PLD5: variants seen among roughly 807,000 people sequenced by gnomAD.
The protein encoded by PLD5 is phospholipase D family member 5.
PLD5 carries 36 observed loss-of-function variants against 61.1 expected under a neutral mutation model. That is an observed-to-expected ratio of 0.59 (90% confidence interval 0.45 to 0.78). The LOEUF is 0.78. Among genes scored for constraint, PLD5 ranks in the 30% least tolerant of loss-of-function variants. The probability of loss-of-function intolerance (pLI) is 0.00; values close to 1 mark genes in which losing one functional copy is unlikely to be tolerated. For synonymous variants in PLD5, 243 were observed against 242.8 expected, an observed-to-expected ratio of 1.00 and a Z score of -0.01; for missense variants, 515 against 644.4, an observed-to-expected ratio of 0.80 and a Z score of 2.17.
At chr1:242,181,724 G>A (rs930113420) in intron 5 of PLD5, among the ~76,000 whole-genome samples, 1 of 151,786 alleles carries the variant, frequency 6.6e-6, no homozygotes, top group Admixed American at 6.6e-5. Context: ...GTGCAGTGGC[G>A]AGATCTCGGC....
chr1:242,382,087 C>T (rs987670611), intron 1 of PLD5, among the ~76,000 whole-genome samples: 3 of 145,112 alleles, frequency 2.1e-5, no homozygotes, highest in Non-Finnish European at 4.5e-5. Flanking sequence ...GGGTGATTCC[C>T]GGGGTTTGAC....
chr1:242,394,095 T>TAC, intron 1 of PLD5, among the ~76,000 whole-genome samples: 1 of 138,974 alleles, frequency 7.2e-6, no homozygotes, highest in Non-Finnish European at 1.6e-5. Context: ...TATATATGTA[T>TAC]ATATGTGTAT....
chr1:242,490,212 T>A (rs1558142746), intron 1 of PLD5, among the ~76,000 whole-genome samples: 1 of 152,164 alleles, frequency 6.6e-6, no homozygotes, highest in Non-Finnish European at 1.5e-5. Flanking sequence ...TAGGTTTGGG[T>A]CTTACTGGTG....
At chr1:242,350,235 C>T (rs576204587) in intron 1 of PLD5, among the ~76,000 whole-genome samples, 3 of 151,850 alleles carry the variant, frequency 2.0e-5, no homozygotes, top group South Asian at 2.1e-4. Context: ...TATAAGCTAC[C>T]GAGTTTATGA....
intron 1 of PLD5, among the ~76,000 whole-genome samples, chr1:242,479,464 A>G (rs1463474921): frequency 6.6e-6 from 1 of 152,218 alleles, no homozygotes; most frequent in East Asian, 1.9e-4. Flanking sequence ...GGATAATCTA[A>G]TAAGACCTAT....
At chr1:242,270,510 A>G (rs1193063195) in intron 3 of PLD5, among the ~76,000 whole-genome samples, 18 of 152,260 alleles carry the variant, frequency 1.2e-4, no homozygotes, top group Non-Finnish European at 2.6e-4. Flanking sequence ...TTGTTATGTT[A>G]AAGTCGGAAA....
At chr1:242,522,178 C>T (rs1046808909) in intron 1 of PLD5, among the ~76,000 whole-genome samples, 9 of 152,062 alleles carry the variant, frequency 5.9e-5, no homozygotes, top group Non-Finnish European at 1.2e-4. Flanking sequence ...AAAAGTAAAA[C>T]AAATGCTACA....
intron 4 of PLD5, among the ~76,000 whole-genome samples, chr1:242,229,688 G>A (rs1362994228): frequency 1.3e-5 from 2 of 152,116 alleles, no homozygotes; most frequent in Non-Finnish European, 2.9e-5. Flanking sequence ...TGCTGCGAGT[G>A]AAGAGAAATA....
chr1:242,121,160 G>T (rs1312925601), intron 6 of PLD5, among the ~76,000 whole-genome samples: 4 of 152,068 alleles, frequency 2.6e-5, no homozygotes, highest in Non-Finnish European at 1.5e-5. Context: ...ATGCATTCTG[G>T]AGCTTTCTAT....
At chr1:242,518,004 A>T (rs1395966632) in intron 1 of PLD5, among the ~76,000 whole-genome samples, 1 of 152,196 alleles carries the variant, frequency 6.6e-6, no homozygotes, top group Non-Finnish European at 1.5e-5. Flanking sequence ...CAAGTCAGTG[A>T]AACACAAGGC....
intron 1 of PLD5, among the ~76,000 whole-genome samples, chr1:242,409,943 C>T (rs1572092249): frequency 6.6e-6 from 1 of 152,244 alleles, no homozygotes; most frequent in Non-Finnish European, 1.5e-5. Flanking sequence ...GGTTGCCGGC[C>T]GGCTAGAGCT....
At chr1:242,389,783 A>G (rs373404373) in intron 1 of PLD5, among the ~76,000 whole-genome samples, 1 of 152,190 alleles carries the variant, frequency 6.6e-6, no homozygotes, top group African/African-American at 2.4e-5. Flanking sequence ...CCCCTAATAT[A>G]TTTAAGCATT....
At chr1:242,309,233 A>G (rs1676552747) in intron 2 of PLD5, among the ~76,000 whole-genome samples, 1 of 152,128 alleles carries the variant, frequency 6.6e-6, no homozygotes, top group Non-Finnish European at 1.5e-5. Context: ...TTGGGCCAGT[A>G]AAGCCCCTTC....
intron 4 of PLD5, among the ~76,000 whole-genome samples, chr1:242,259,069 A>C (rs1184728837): frequency 1.3e-5 from 2 of 152,248 alleles, no homozygotes; most frequent in African/African-American, 4.8e-5. Context: ...AATATTAATG[A>C]ACAATGGAGA....
At chr1:242,142,201 A>T (rs1042751384) in intron 5 of PLD5, among the ~76,000 whole-genome samples, 1 of 152,216 alleles carries the variant, frequency 6.6e-6, no homozygotes, top group African/African-American at 2.4e-5. Flanking sequence ...TTTTGTGGGG[A>T]GCATAAATGC....
At chr1:242,319,603 C>T (rs1658252642) in intron 2 of PLD5, among the ~76,000 whole-genome samples, 1 of 152,088 alleles carries the variant, frequency 6.6e-6, no homozygotes, top group South Asian at 2.1e-4. Context: ...CAAGGGAATT[C>T]CTGGTTGGCC....
Position 242,207,878 on chromosome 1 carries a change from T to TTATATTTATA in PLD5, c.735+12109_735+12110insTATAAATATA, listed in dbSNP as rs1163604827. On this transcript the variant is annotated intron_variant, in intron 5 of 9. Transcript: ENST00000536534. ...TATATATTTATATATTTATATATAT[T>TTATATTTATA]TATATATTTATATATATTTATATAT... Among the ~76,000 whole-genome samples the TTATATTTATA allele has an allele frequency of 2.9e-4, 5 of 17,166 alleles. 2 individuals are homozygous for TTATATTTATA. The South Asian group carries it at 0.01, about 35-fold the overall frequency. The allele number at this position is 17,166 out of a possible 152,430, so 11.3% of individuals were successfully genotyped here.
chr1:242,486,414 A>G (rs1431081759), intron 1 of PLD5, among the ~76,000 whole-genome samples: 1 of 152,186 alleles, frequency 6.6e-6, no homozygotes, highest in African/African-American at 2.4e-5. Flanking sequence ...ATGAACAGAC[A>G]CTTCTCAAAA....
chr1:242,113,084 C>CTCTTTTTTTTT (rs1553301349), intron 7 of PLD5, among the ~76,000 whole-genome samples: 1 of 110,694 alleles, frequency 9.0e-6, no homozygotes, highest in Admixed American at 1.0e-4. Context: ...CTCTCTCTCT[C>CTCTTTTTTTTT]TTTTTTTTTT....
Sources: allele counts gnomAD v4.1 joint callset (sites outside exome capture counted in the v4.1 genomes callset), GRCh38; gene constraint gnomAD v4.1.1; transcripts MANE v1.5; gene names NCBI Gene and HGNC (gene_info 2026-07-23, HGNC 2026-07-21).